ADARB2: variants seen among roughly 807,000 people sequenced by gnomAD.
ADARB2 encodes the protein adenosine deaminase RNA specific B2 (inactive), also known as inactive double-stranded RNA-specific editase B2.
In ADARB2, 25 loss-of-function variants were observed where a neutral mutation model predicts 62.2. That is an observed-to-expected ratio of 0.40 (90% CI 0.29 to 0.56). The LOEUF is 0.56. Ranked by LOEUF, ADARB2 falls within the 20% of genes least tolerant of loss-of-function variation. ADARB2 has a pLI of 0.43. For synonymous variants in ADARB2, 572 were observed against 500.8 expected (o/e 1.14, Z -1.90); for missense variants, 1,071 against 1,077.4 (o/e 0.99, Z 0.08).
chr10:1,339,501 C>T (rs1273878305), intron 3 of ADARB2, among the ~76,000 whole-genome samples: 1 of 152,218 alleles, frequency 6.6e-6, no homozygotes, highest in Non-Finnish European at 1.5e-5. Context: ...CTCTCACATC[C>T]CTACGTTTGC....
rs150321603 is a variant in ADARB2, at chr10:1,269,017, T to TA, written c.1192+1937dup. 2.8e-3 allele frequency among the ~76,000 whole-genome samples: 428 copies of TA among 152,304 alleles called. 3 individuals carry two copies. Among genetic ancestry groups the TA allele is most frequent in the African/African-American group, 9.6e-3 (401 of 41,566 alleles). On this transcript the variant is annotated intron_variant, in intron 4 of 9. Coordinates refer to ENST00000381312, the MANE Select transcript of ADARB2 (RefSeq NM_018702.4). The stretch of plus-strand genomic sequence containing the variant: ...CCAGCGCTGAGAAATGCTACAAACT[T>TA]ACTTTCCAGGTCATACTGACTTATG...
Position 1,655,036 on chromosome 10 carries a change from C to A in ADARB2, c.100+82015G>T, listed in dbSNP as rs552834067. Among the ~76,000 whole-genome samples, 9 of 152,340 alleles carry A rather than the reference C, an allele frequency of 5.9e-5. No individual in the cohort carries two copies. The South Asian group carries it at 1.7e-3, about 28-fold the overall frequency. On this transcript the variant is annotated intron_variant, in intron 1 of 9. Coordinates refer to ENST00000381312, the MANE Select transcript of ADARB2 (RefSeq NM_018702.4). ...GAGGACGCGGTCGGGAGGAATCTCA[C>A]TTCCCCTGCAGACCCTTGGGAGAGA...
chr10:1,693,740 A>G, intron 1 of ADARB2, among the ~76,000 whole-genome samples: 1 of 152,268 alleles, frequency 6.6e-6, no homozygotes, highest in East Asian at 1.9e-4. Flanking sequence ...TCACTGCAGA[A>G]GCAAACTAGA....
In ADARB2 at chr10:1,648,895, A is replaced by G. The variant is rs1480987347; in HGVS notation, c.100+88156T>C. Among the ~76,000 whole-genome samples the G allele has an allele frequency of 2.6e-5, 4 of 152,198 alleles. No homozygotes were observed. The East Asian group carries it at 7.7e-4, about 29-fold the overall frequency. On this transcript the variant is annotated intron_variant, in intron 1 of 9. Transcript: ENST00000381312. ...GCTCCTCATCTTACAAGGGCAACTG[A>G]CGCTGACATTCAACAACTGGTGCAA...
At chr10:1,418,167 A>T (rs1285284114) in intron 1 of ADARB2, among the ~76,000 whole-genome samples, 2 of 152,126 alleles carry the variant, frequency 1.3e-5, no homozygotes, top group African/African-American at 4.8e-5. Context: ...GATCAACTTC[A>T]TCGTGTTAGT....
intron 3 of ADARB2, among the ~76,000 whole-genome samples, chr10:1,324,399 G>A (rs148639009): frequency 6.6e-5 from 10 of 152,282 alleles, no homozygotes; most frequent in Admixed American, 2.6e-4. Flanking sequence ...TACCCCAGAG[G>A]GCATGGAAAT....
intron 1 of ADARB2, among the ~76,000 whole-genome samples, chr10:1,508,205 A>G (rs1475056197): frequency 6.6e-6 from 1 of 152,158 alleles, no homozygotes; most frequent in East Asian, 1.9e-4. Flanking sequence ...TTGGTGGTTG[A>G]GAGCCCTCAC....
chr10:1,246,369 T>C (rs1830986633), intron 4 of ADARB2, among the ~76,000 whole-genome samples: 5 of 131,708 alleles, frequency 3.8e-5, no homozygotes, highest in Non-Finnish European at 3.3e-5. Context: ...ATTTTGTCTT[T>C]TGTTGCCATT....
chr10:1,213,575 G>A (rs571639955), intron 7 of ADARB2, among the ~76,000 whole-genome samples: 6 of 152,328 alleles, frequency 3.9e-5, no homozygotes, highest in African/African-American at 9.6e-5. Flanking sequence ...GAGAGAGGAC[G>A]CAACTCTGTT....
chr10:1,605,575 A>G (rs547889539), intron 1 of ADARB2, among the ~76,000 whole-genome samples: 70 of 152,348 alleles, frequency 4.6e-4, no homozygotes, highest in Non-Finnish European at 8.4e-4. Context: ...TGTAGTTTCT[A>G]TTGGGATAAG....
intron 1 of ADARB2, among the ~76,000 whole-genome samples, chr10:1,632,255 C>A (rs1033435332): frequency 6.0e-4 from 91 of 152,164 alleles, no homozygotes; most frequent in African/African-American, 2.0e-3. Context: ...ACACATGCCA[C>A]ATGCATGCAT....
chr10:1,464,181 CCGGAGAAGAGGG>C (rs1831215996), intron 1 of ADARB2, among the ~76,000 whole-genome samples: 8 of 141,772 alleles, frequency 5.6e-5, no homozygotes, highest in Non-Finnish European at 7.8e-5. Flanking sequence ...GGGCAGTGCG[CCGGAGAAGAGGG>C]TGGACACACA....
chr10:1,391,110 C>A (rs932508628), intron 1 of ADARB2, among the ~76,000 whole-genome samples: 1 of 152,124 alleles, frequency 6.6e-6, no homozygotes, highest in African/African-American at 2.4e-5. Flanking sequence ...TTCAGCCTGC[C>A]CAGCTACTTA....
chr10:1,194,526 A>AATCTATCT (rs10633061), intron 8 of ADARB2, among the ~76,000 whole-genome samples: 12 of 151,380 alleles, frequency 7.9e-5, no homozygotes, highest in East Asian at 7.7e-4. Flanking sequence ...CTATCTATCT[A>AATCTATCT]ATCTATCTAT....
chr10:1,190,395 G>T (rs1836827046), intron 8 of ADARB2, among the ~76,000 whole-genome samples: 1 of 152,250 alleles, frequency 6.6e-6, no homozygotes, highest in African/African-American at 2.4e-5. Flanking sequence ...TCGGTGTATG[G>T]CAACACAGGA....
At chr10:1,345,618 A>C (rs983044590) in intron 3 of ADARB2, among the ~76,000 whole-genome samples, 6 of 152,212 alleles carry the variant, frequency 3.9e-5, no homozygotes, top group African/African-American at 1.4e-4. Context: ...CTGGCTGGAC[A>C]GAAGGGCTGC....
chr10:1,278,296 T>C (rs903834198), intron 3 of ADARB2, among the ~76,000 whole-genome samples: 4 of 151,024 alleles, frequency 2.6e-5, no homozygotes, highest in African/African-American at 9.9e-5. Context: ...TTTCTTTTTT[T>C]TTTTTTAAGT....
chr10:1,232,429 TG>T (rs1830814969), intron 6 of ADARB2, among the ~76,000 whole-genome samples: 4 of 150,014 alleles, frequency 2.7e-5, no homozygotes, highest in African/African-American at 9.9e-5. Context: ...GTATATGTGG[TG>T]TGTGTTTGCA....
At chr10:1,223,471 G>C (rs537319324) in intron 6 of ADARB2, among the ~76,000 whole-genome samples, 58 of 152,306 alleles carry the variant, frequency 3.8e-4, no homozygotes, top group African/African-American at 1.1e-3. Flanking sequence ...GGAGTGGTGA[G>C]AGAGGGCATC....
Sources: gnomAD v4.1 joint callset for allele counts (sites outside exome capture counted in the v4.1 genomes callset) on GRCh38, gnomAD v4.1.1 for gene constraint, MANE v1.5 for transcripts, NCBI Gene and HGNC (gene_info 2026-07-23, HGNC 2026-07-21) for gene names.